GOT1: variants seen among roughly 807,000 people sequenced by gnomAD.
GOT1 encodes glutamic-oxaloacetic transaminase 1.
GOT1 carries 25 observed loss-of-function variants against 48.2 expected under a neutral mutation model. The observed-to-expected ratio is 0.52, with a 90% CI of 0.38 to 0.72. GOT1 has a LOEUF of 0.72. Among genes scored for constraint, GOT1 ranks in the 30% least tolerant of loss-of-function variants. The probability of loss-of-function intolerance (pLI) is 0.00; values close to 1 mark genes in which losing one functional copy is unlikely to be tolerated. For missense variants in GOT1, 380 were observed against 520.1 expected, an observed-to-expected ratio of 0.73 and a Z score of 2.62; for synonymous variants, 188 against 193.8, an observed-to-expected ratio of 0.97 and a Z score of 0.25.
At chr10:99,407,192 TG>T (rs2032771676) in intron 2 of GOT1, among the ~76,000 whole-genome samples, 1 of 152,144 alleles carries the variant, frequency 6.6e-6, no homozygotes, top group Non-Finnish European at 1.5e-5. Context: ...AGTGTGTGTG[TG>T]TGTGTGTGTG....
At chr10:99,426,997 A>G (rs1035274497) in intron 1 of GOT1, among the ~76,000 whole-genome samples, 1 of 152,246 alleles carries the variant, frequency 6.6e-6, no homozygotes, top group Non-Finnish European at 1.5e-5. Context: ...ACTAGGACAT[A>G]TAACGGCTGG....
At position 99,405,803 on chromosome 10, in the gene GOT1, TC is replaced by T; in HGVS notation, c.594del (p.Ile199LeufsTer15). 1 of 1,612,310 alleles carries T rather than the reference TC, an allele frequency of 6.2e-7. No homozygotes were observed. The highest frequency in any genetic ancestry group is 8.5e-7 in the Non-Finnish European group (1 of 1,178,376). On this transcript the variant is annotated frameshift_variant, in exon 5 of 9. Transcript: ENST00000370508. LOFTEE classifies it high-confidence loss of function. ...VLHACAHNPTGIDPTPEQWKQ... is the reference protein window; with the variant it reads ...VLHACAHNPTXIDPTPEQWKQ... The stretch of plus-strand genomic sequence containing the variant: ...TTCCACTGCTCCGGAGTTGGGTCAA[TC>T]CCAGTTGGGTTGTGTGCACAGGCGT...
At chr10:99,401,652 G>A (rs2032680560) in intron 8 of GOT1, among the ~76,000 whole-genome samples, 1 of 150,202 alleles carries the variant, frequency 6.7e-6, no homozygotes, top group African/African-American at 2.5e-5. Flanking sequence ...GGGCAACAGA[G>A]CAAGACTCCA....
At chr10:99,422,028 G>A (rs1024690718) in intron 1 of GOT1, among the ~76,000 whole-genome samples, 2 of 152,170 alleles carry the variant, frequency 1.3e-5, no homozygotes, top group Non-Finnish European at 2.9e-5. Flanking sequence ...TTTGATAGGG[G>A]TCAGGAGTAG....
chr10:99,399,085 A>C (rs759697799), intron 8 of GOT1, among the ~76,000 whole-genome samples: 1 of 152,192 alleles, frequency 6.6e-6, no homozygotes, highest in Non-Finnish European at 1.5e-5. Context: ...ATGGCTGTTG[A>C]GAGGGCCTAC....
chr10:99,415,497 G>A (rs1175884871), intron 2 of GOT1, among the ~76,000 whole-genome samples: 1 of 152,104 alleles, frequency 6.6e-6, no homozygotes. Flanking sequence ...ATTCACAGCC[G>A]AATTCTACCA....
At chr10:99,414,682 T>C (rs1589939981) in intron 2 of GOT1, among the ~76,000 whole-genome samples, 3 of 152,028 alleles carry the variant, frequency 2.0e-5, no homozygotes, top group Non-Finnish European at 4.4e-5. Flanking sequence ...ATTGACCACA[T>C]AGTTGGAAGT....
At chr10:99,418,220 A>G (rs572594281) in intron 2 of GOT1, among the ~76,000 whole-genome samples, 71 of 152,064 alleles carry the variant, frequency 4.7e-4, no homozygotes, top group Non-Finnish European at 8.7e-4. Flanking sequence ...CAAAAATATA[A>G]AACAGGAGAA....
At chr10:99,416,424 T>C (rs2134105211) in intron 2 of GOT1, among the ~76,000 whole-genome samples, 1 of 152,300 alleles carries the variant, frequency 6.6e-6, no homozygotes, top group Non-Finnish European at 1.5e-5. Flanking sequence ...TACAAACCAC[T>C]GCTCAACGAA....
At chr10:99,422,612 T>C (rs986234977) in intron 1 of GOT1, among the ~76,000 whole-genome samples, 2 of 152,192 alleles carry the variant, frequency 1.3e-5, no homozygotes, top group African/African-American at 2.4e-5. Context: ...ATCCCATTCT[T>C]ATCCTCTATC....
Position 99,402,713 on chromosome 10 carries a change from ATTACCT to A in GOT1, c.963_968del (p.Gly322_Asn323del), listed in dbSNP as rs2032697570. ...GAATCCGGTCAGCCATTGTCTTCAC[ATTACCT>A]GTCCTGAAGCATGGACAGTGACGTA... is the stretch of plus-strand genomic sequence containing the variant. On this transcript the variant is annotated inframe_deletion, in exon 8 of 9. Transcript: ENST00000370508. The A allele has an allele frequency of 3.7e-6, 6 of 1,613,778 alleles. No individual in the cohort carries two copies. Among genetic ancestry groups the A allele is most frequent in the Non-Finnish European group, 5.1e-6 (6 of 1,179,756 alleles).
intron 2 of GOT1, among the ~76,000 whole-genome samples, chr10:99,411,465 G>A (rs1174956069): frequency 6.6e-6 from 1 of 152,190 alleles, no homozygotes; most frequent in African/African-American, 2.4e-5. Flanking sequence ...TGGTTTACTT[G>A]TTCACTCATT....
chr10:99,422,405 A>G (rs571391503), intron 1 of GOT1, among the ~76,000 whole-genome samples: 1 of 152,214 alleles, frequency 6.6e-6, no homozygotes, highest in Non-Finnish European at 1.5e-5. Context: ...ATATAATCCC[A>G]GTACTCAGAG....
rs551770608 is a variant in GOT1 at position 99,405,641 on chromosome 10, T to C, written c.642+115A>G. 6.2e-6 allele frequency: 4 copies of C among 641,922 alleles called. No homozygotes were observed. The African/African-American group carries it at 7.3e-5, about 12-fold the overall frequency. The allele number at this position is 641,922 out of a possible 1,614,324, so 39.8% of individuals were successfully genotyped here. On this transcript the variant is annotated intron_variant, in intron 5 of 8. Transcript: ENST00000370508. Reference sequence around the variant, plus strand: ...TACAGTTAATACTTATTTTCTTCTTTGGACTTTTCTCCATTTTCCTAATTC... The same window carrying C: ...TACAGTTAATACTTATTTTCTTCTTCGGACTTTTCTCCATTTTCCTAATTC...
intron 2 of GOT1, among the ~76,000 whole-genome samples, chr10:99,408,974 G>A (rs191723081): frequency 9.9e-4 from 151 of 152,222 alleles, no homozygotes; most frequent in African/African-American, 3.3e-3. Flanking sequence ...GGGAGGCAGG[G>A]AGGCAGGGAG....
intron 2 of GOT1, among the ~76,000 whole-genome samples, chr10:99,419,804 C>G (rs71488013): frequency 2.0e-5 from 3 of 152,186 alleles, no homozygotes; most frequent in African/African-American, 7.2e-5. Flanking sequence ...CACACATTCT[C>G]TAAGATTCAG....
At chr10:99,423,647 C>T (rs1000575634) in intron 1 of GOT1, among the ~76,000 whole-genome samples, 16 of 152,058 alleles carry the variant, frequency 1.1e-4, no homozygotes, top group Non-Finnish European at 1.5e-4. Context: ...ATCTAACTCA[C>T]AATATTTTTT....
intron 2 of GOT1, among the ~76,000 whole-genome samples, chr10:99,410,353 A>G (rs908545584): frequency 1.3e-5 from 2 of 152,216 alleles, no homozygotes; most frequent in African/African-American, 2.4e-5. Flanking sequence ...TCCCTTGAAC[A>G]TGGTTTTAAC....
Position 99,405,793 on chromosome 10 carries a change from G to C in GOT1, c.605C>G (p.Thr202Ser). The change falls in exon 5 of 9, where the codon ACT becomes AGT. Residue 202 changes from threonine (T) to serine (S), a missense_variant. Thr to Ser is a moderately conservative substitution (Grantham distance 58). Coordinates refer to ENST00000370508, the MANE Select transcript of GOT1 (RefSeq NM_002079.3). ...AGCAATCTGCTTCCACTGCTCCGGA[G>C]TTGGGTCAATCCCAGTTGGGTTGTG... ...CAHNPTGIDPTPEQWKQIASV... is the reference protein window; with the variant it reads ...CAHNPTGIDPSPEQWKQIASV... 1.2e-6 allele frequency: 2 copies of C among 1,609,530 alleles called. No individual in the cohort carries two copies. Among genetic ancestry groups the C allele is most frequent in the Non-Finnish European group, 1.7e-6 (2 of 1,175,804 alleles).
Sources: allele counts gnomAD v4.1 joint callset (sites outside exome capture counted in the v4.1 genomes callset), GRCh38; gene constraint gnomAD v4.1.1; transcripts MANE v1.5; gene names NCBI Gene and HGNC (gene_info 2026-07-23, HGNC 2026-07-21).